RPS6KB1: variants seen among roughly 807,000 people sequenced by gnomAD.
The protein encoded by RPS6KB1 is ribosomal protein S6 kinase B1, also known as ribosomal protein S6 kinase beta-1.
RPS6KB1 carries 12 observed loss-of-function variants against 70.2 expected under a neutral mutation model. That is an observed-to-expected ratio of 0.17 (90% CI 0.11 to 0.28). The LOEUF is 0.28. RPS6KB1 is among the 10% of genes least tolerant of loss of function. RPS6KB1 has a pLI of 1.00. For missense variants in RPS6KB1, 270 were observed against 646.6 expected (o/e 0.42, Z 6.32); for synonymous variants, 175 against 211.2 (o/e 0.83, Z 1.49).
At chr17:59,940,001 CA>C (rs1202789875) in intron 12 of RPS6KB1, among the ~76,000 whole-genome samples, 1 of 152,036 alleles carries the variant, frequency 6.6e-6, no homozygotes, top group Non-Finnish European at 1.5e-5. Context: ...ACTTATAAAC[CA>C]TGCAGAATAG....
intron 13 of RPS6KB1, among the ~76,000 whole-genome samples, chr17:59,943,437 G>A (rs1422636880): frequency 2.0e-5 from 3 of 152,118 alleles, no homozygotes; most frequent in Non-Finnish European, 4.4e-5. Flanking sequence ...AAGTTGTGGT[G>A]GTAAAAGTGA....
chr17:59,897,896 T>G (rs1598627278), intron 1 of RPS6KB1, among the ~76,000 whole-genome samples: 1 of 147,976 alleles, frequency 6.8e-6, no homozygotes, highest in African/African-American at 2.5e-5. Context: ...ACCTGGGAGG[T>G]GGAGGTTGCA....
At chr17:59,908,705 G>A (rs1166384410) in intron 1 of RPS6KB1, among the ~76,000 whole-genome samples, 4 of 131,294 alleles carry the variant, frequency 3.0e-5, no homozygotes, top group Admixed American at 2.6e-4. Context: ...TGCAAGCTCC[G>A]CCTCCCGGGT....
intron 12 of RPS6KB1, among the ~76,000 whole-genome samples, chr17:59,937,026 A>AT (rs1057003136): frequency 1.3e-5 from 2 of 151,882 alleles, no homozygotes; most frequent in Non-Finnish European, 2.9e-5. Flanking sequence ...TGCCTAGCTA[A>AT]TTTTTTTGTA....
rs1013551860 is a variant in RPS6KB1, at chr17:59,905,989, C to T, written c.142-4573C>T. ...ATAGTTTTAGCTCCTGTATTTAGGT[C>T]TTTGCTCCATTTTGAGTTAATTTTT... On this transcript the variant is annotated intron_variant, in intron 1 of 14. Coordinates refer to ENST00000225577, the MANE Select transcript of RPS6KB1 (RefSeq NM_003161.4). 1.1e-3 allele frequency among the ~76,000 whole-genome samples: 170 copies of T among 152,128 alleles called. 1 individual carries two copies. Among genetic ancestry groups the T allele is most frequent in the Admixed American group, 2.7e-3 (41 of 15,234 alleles).
chr17:59,943,834 A>G (rs925400191), intron 13 of RPS6KB1, among the ~76,000 whole-genome samples: 2 of 149,390 alleles, frequency 1.3e-5, no homozygotes, highest in African/African-American at 4.9e-5. Flanking sequence ...CACGCCCCTC[A>G]CTGCACTCCA....
chr17:59,925,656 G>A (rs912544747), intron 4 of RPS6KB1, among the ~76,000 whole-genome samples: 2 of 151,736 alleles, frequency 1.3e-5, no homozygotes, highest in African/African-American at 2.4e-5. Context: ...TTGCCCAGAC[G>A]TTCCATTTCC....
chr17:59,893,331 GCCCGGGGTC>G lies in RPS6KB1; in HGVS notation c.141+14_141+22del. On this transcript the variant is annotated splice_region_variant and intron_variant, in intron 1 of 14. Transcript: ENST00000225577. This position sits in a 1 kb window ranked among gnomAD's most constrained non-coding sequence, Gnocchi z 4.1. ...AGGATGAGCTGGAGGAGGGGGTGAG[GCCCGGGGTC>G]CCCGGGGGCCCGAGGTGACAGGGCC... is the stretch of plus-strand genomic sequence containing the variant. The G allele has an allele frequency of 4.4e-6, 7 of 1,600,950 alleles. No individual in the cohort carries two copies. The highest frequency in any genetic ancestry group is 6.0e-6 in the Non-Finnish European group (7 of 1,174,014).
In RPS6KB1 at chr17:59,947,011, A is replaced by G. The variant is rs879781314; in HGVS notation, c.*223A>G. On this transcript the variant is annotated 3_prime_UTR_variant, in exon 15 of 15. Coordinates refer to ENST00000225577, the MANE Select transcript of RPS6KB1 (RefSeq NM_003161.4). ...TATTGCTGAACTCTTAGGCACATCAATTAATTGATTCCTCGCGACATCTTC... is the reference window on the plus strand; with the variant it reads ...TATTGCTGAACTCTTAGGCACATCAGTTAATTGATTCCTCGCGACATCTTC... 7 of 1,372,584 alleles carry G rather than the reference A, an allele frequency of 5.1e-6. No individual in the cohort carries two copies. The Admixed American group carries it at 9.1e-5, about 18-fold the overall frequency. The allele number at this position is 1,372,584 out of a possible 1,614,324, so 85.0% of individuals were successfully genotyped here.
In RPS6KB1 at chr17:59,946,411, G is replaced by C. The variant is rs949807414; in HGVS notation, c.1341-140G>C. The C allele has an allele frequency of 5.7e-6, 4 of 698,920 alleles. No individual in the cohort carries two copies. The African/African-American group carries it at 7.2e-5, about 13-fold the overall frequency. 43.3% of individuals were successfully genotyped at this position (698,920 alleles called of 1,614,324 possible). A position where few individuals can be genotyped will look rare whatever the true frequency, so the allele number is the denominator to read the frequency against. On this transcript the variant is annotated intron_variant, in intron 14 of 14. Transcript: ENST00000225577. The surrounding 1 kb of genome is among the most constrained non-coding windows in gnomAD (Gnocchi z 4.2). ...GTGGGGGAGAGATGGTTCAATTTTT[G>C]CCTTTGTGCTAATCCACGTGAAAAT...
chr17:59,894,779 A>T (rs1482957629), intron 1 of RPS6KB1, among the ~76,000 whole-genome samples: 1 of 150,862 alleles, frequency 6.6e-6, no homozygotes, highest in Non-Finnish European at 1.5e-5. Context: ...TAATTTTTGT[A>T]TTTTTAGTAG....
At chr17:59,914,570 A>G (rs2042832520) in intron 3 of RPS6KB1, 65 bp from the exon 4 acceptor site, 2 of 1,145,946 alleles carry the variant, frequency 1.7e-6, no homozygotes, top group Admixed American at 1.9e-5. Context: ...TCTTATAACT[A>G]GGAATTAAGG....
intron 12 of RPS6KB1, among the ~76,000 whole-genome samples, chr17:59,939,723 G>T (rs1263953956): frequency 1.3e-5 from 2 of 152,156 alleles, no homozygotes; most frequent in East Asian, 3.8e-4. Flanking sequence ...TAAGGAAACT[G>T]GTGTTCTATG....
intron 13 of RPS6KB1, chr17:59,945,192 G>T (rs1215139112): frequency 7.5e-6 from 3 of 398,828 alleles, no homozygotes; most frequent in Non-Finnish European, 1.4e-5. Context: ...AGCATATCAG[G>T]CTCAATGGAA....
intron 10 of RPS6KB1, 107 bp downstream of exon 10, chr17:59,935,407 C>CA (rs11459613): frequency 0.48 from 263,896 of 549,884 alleles, 68,682 homozygotes; most frequent in African/African-American, 0.82. Flanking sequence ...AAATATTGAA[C>CA]AAAAAAGTCT....
intron 1 of RPS6KB1, among the ~76,000 whole-genome samples, chr17:59,897,585 C>T (rs956893686): frequency 6.6e-6 from 1 of 151,958 alleles, no homozygotes; most frequent in Non-Finnish European, 1.5e-5. Context: ...ATAGGTATTT[C>T]CATAGTTTAT....
intron 4 of RPS6KB1, among the ~76,000 whole-genome samples, chr17:59,918,370 TTTA>T (rs2043080181): frequency 6.6e-6 from 1 of 151,998 alleles, no homozygotes; most frequent in Non-Finnish European, 1.5e-5. Context: ...TTTTTTAATG[TTTA>T]TTATTATTTT....
Position 59,947,073 on chromosome 17 carries a change from A to G in RPS6KB1, c.*285A>G. 7.9e-7 allele frequency: 1 copy of G among 1,258,166 alleles called. No homozygotes were observed. Among genetic ancestry groups the G allele is most frequent in the Non-Finnish European group, 1.0e-6 (1 of 991,180 alleles). 77.9% of individuals were successfully genotyped at this position (1,258,166 alleles called of 1,614,324 possible). ...AAGGATTTTCATGTTGATGACTCGA[A>G]ACTGACAGTATTAAGGGTAGGATGT... On this transcript the variant is annotated 3_prime_UTR_variant, in exon 15 of 15. Transcript: ENST00000225577.
chr17:59,912,879 C>A (rs2042731085), intron 3 of RPS6KB1, 75 bp downstream of exon 3: 49 of 1,482,924 alleles, frequency 3.3e-5, no homozygotes, highest in Non-Finnish European at 4.1e-5. Context: ...TTCCAGCAGT[C>A]ATCTTCAGTC....
Sources: allele counts gnomAD v4.1 joint callset (sites outside exome capture counted in the v4.1 genomes callset), GRCh38; gene constraint gnomAD v4.1.1; non-coding constraint Gnocchi (gnomAD v3.1); transcripts MANE v1.5; gene names NCBI Gene and HGNC (gene_info 2026-07-23, HGNC 2026-07-21).